The following PCSK2 variants were observed in gnomAD, a reference collection of about 807,000 sequenced individuals.
The protein encoded by PCSK2 is proprotein convertase subtilisin/kexin type 2.
In PCSK2, 14 loss-of-function variants were observed where a neutral mutation model predicts 69.7. The ratio of observed to expected loss-of-function variants is 0.20; its 90% CI spans 0.13 to 0.31. The LOEUF is 0.31. PCSK2 is among the 10% of genes least tolerant of loss of function. PCSK2 has a pLI of 1.00. For missense variants in PCSK2, 544 were observed against 842.5 expected, an observed-to-expected ratio of 0.65 and a Z score of 4.39; for synonymous variants, 307 against 320.7, an observed-to-expected ratio of 0.96 and a Z score of 0.46.
chr20:17,244,897 G>C (rs933236109), intron 1 of PCSK2, among the ~76,000 whole-genome samples: 3 of 152,186 alleles, frequency 2.0e-5, no homozygotes, highest in Non-Finnish European at 4.4e-5. Context: ...CTGGGCACGG[G>C]CGGTGGCCTC....
chr20:17,432,041 T>G (rs1212213391), intron 7 of PCSK2, among the ~76,000 whole-genome samples: 1 of 152,132 alleles, frequency 6.6e-6, no homozygotes. Flanking sequence ...CCAGCACCCC[T>G]CCACGCTGTC....
intron 2 of PCSK2, among the ~76,000 whole-genome samples, chr20:17,312,221 C>T (rs1329107989): frequency 6.6e-6 from 1 of 152,084 alleles, no homozygotes; most frequent in African/African-American, 2.4e-5. Context: ...TCCTGCCAAG[C>T]CCAAATTCTG....
rs146228969 is a variant in PCSK2, at chr20:17,346,999, T to C, written c.283-11328T>C. 8.6e-3 allele frequency among the ~76,000 whole-genome samples: 1,303 copies of C among 152,274 alleles called. 7 individuals carry two copies. Among genetic ancestry groups the C allele is most frequent in the Non-Finnish European group, 0.014 (982 of 68,022 alleles). On this transcript the variant is annotated intron_variant, in intron 2 of 11. Transcript: ENST00000262545. Reference sequence around the variant, plus strand: ...TGTATCCAGAGCTTTAGATGATAGATAGCAATTTGTTAATACTTGTCACTA... The same window carrying C: ...TGTATCCAGAGCTTTAGATGATAGACAGCAATTTGTTAATACTTGTCACTA...
intron 1 of PCSK2, among the ~76,000 whole-genome samples, chr20:17,232,591 G>A (rs1409721402): frequency 6.6e-6 from 1 of 151,982 alleles, no homozygotes; most frequent in Non-Finnish European, 1.5e-5. Flanking sequence ...GAAATTTTTG[G>A]TCAGATATAT....
At chr20:17,449,098 ACT>A (rs1013850969) in intron 8 of PCSK2, among the ~76,000 whole-genome samples, 39 of 151,708 alleles carry the variant, frequency 2.6e-4, no homozygotes, top group African/African-American at 8.7e-4. Context: ...CTGGTCTCAA[ACT>A]CTTGGCCTCA....
At chr20:17,431,037 T>C (rs1319851134) in intron 7 of PCSK2, among the ~76,000 whole-genome samples, 1 of 152,186 alleles carries the variant, frequency 6.6e-6, no homozygotes, top group African/African-American at 2.4e-5. Context: ...CTAATTCTCC[T>C]GCTGTCTTAG....
In PCSK2 at chr20:17,330,254, G is replaced by A. The variant is rs1406869450; in HGVS notation, c.283-28073G>A. On this transcript the variant is annotated intron_variant, in intron 2 of 11. Coordinates refer to ENST00000262545, the MANE Select transcript of PCSK2 (RefSeq NM_002594.5). ...CTACCTATGGGACAATACAGCTCTA[G>A]ACCTTCCTTTCTATGTGAGAGAGAG... Among the ~76,000 whole-genome samples, 3 of 152,104 alleles carry A rather than the reference G, an allele frequency of 2.0e-5. No homozygotes were observed. The East Asian group carries it at 5.8e-4, about 29-fold the overall frequency.
At chr20:17,302,706 C>T (rs1275712488) in intron 2 of PCSK2, among the ~76,000 whole-genome samples, 1 of 152,098 alleles carries the variant, frequency 6.6e-6, no homozygotes, top group Admixed American at 6.5e-5. Flanking sequence ...GGATCCAGGC[C>T]GTGCTGTGAA....
At chr20:17,354,296 C>T (rs970049289) in intron 2 of PCSK2, among the ~76,000 whole-genome samples, 13 of 152,076 alleles carry the variant, frequency 8.5e-5, no homozygotes, top group South Asian at 2.1e-4. Context: ...AAACTAAATA[C>T]AGAAGTGAAC....
intron 7 of PCSK2, among the ~76,000 whole-genome samples, chr20:17,430,652 A>T (rs2032344934): frequency 6.6e-6 from 1 of 152,204 alleles, no homozygotes; most frequent in South Asian, 2.1e-4. Context: ...TACTTTGTGC[A>T]CATCCAAAAT....
intron 2 of PCSK2, among the ~76,000 whole-genome samples, chr20:17,281,185 T>A (rs546189870): frequency 3.9e-5 from 6 of 152,190 alleles, no homozygotes; most frequent in African/African-American, 1.4e-4. Flanking sequence ...TGACTACCCA[T>A]CTATTAGGCA....
chr20:17,443,221 C>G (rs1216933622), intron 8 of PCSK2, among the ~76,000 whole-genome samples: 1 of 152,176 alleles, frequency 6.6e-6, no homozygotes, highest in Non-Finnish European at 1.5e-5. Context: ...AGTGAAGACG[C>G]TTTATTACAA....
At chr20:17,362,785 C>A (rs999966537) in intron 4 of PCSK2, among the ~76,000 whole-genome samples, 2 of 152,208 alleles carry the variant, frequency 1.3e-5, no homozygotes, top group Admixed American at 1.3e-4. Flanking sequence ...GAATTTGTGG[C>A]CATTTTTAAT....
chr20:17,373,314 G>A (rs1039767430), intron 5 of PCSK2, among the ~76,000 whole-genome samples: 1 of 152,198 alleles, frequency 6.6e-6, no homozygotes, highest in African/African-American at 2.4e-5. Context: ...GAATATGTGA[G>A]CCAGAGTGAT....
rs192325025 is a variant in PCSK2, at chr20:17,239,947, G to A, written c.177+12465G>A. On this transcript the variant is annotated intron_variant, in intron 1 of 11. Coordinates refer to ENST00000262545, the MANE Select transcript of PCSK2 (RefSeq NM_002594.5). ...CAGCTCACTGCAACCTCCGCCTCCC[G>A]GGTTCAAGTGATTCTCCTGCCTCAG... Among the ~76,000 whole-genome samples the A allele has an allele frequency of 2.2e-3, 292 of 131,226 alleles. 4 individuals are homozygous for A. Among genetic ancestry groups the A allele is most frequent in the African/African-American group, 7.9e-3 (269 of 33,876 alleles). The allele number at this position is 131,226 out of a possible 152,430, so 86.1% of individuals were successfully genotyped here. A position where few individuals can be genotyped will look rare whatever the true frequency, so the allele number is the denominator to read the frequency against.
intron 8 of PCSK2, among the ~76,000 whole-genome samples, chr20:17,440,471 G>A (rs2023421): frequency 0.072 from 10,981 of 152,218 alleles, 494 homozygotes; most frequent in East Asian, 0.17. Flanking sequence ...TGGGTTGGAC[G>A]GGTGGGCTGT....
At chr20:17,436,106 C>G (rs1301362294) in intron 7 of PCSK2, among the ~76,000 whole-genome samples, 1 of 152,156 alleles carries the variant, frequency 6.6e-6, no homozygotes, top group Non-Finnish European at 1.5e-5. Flanking sequence ...GAGAGGCAGC[C>G]GTCAGACACA....
intron 4 of PCSK2, among the ~76,000 whole-genome samples, chr20:17,364,883 G>A (rs982194150): frequency 1.3e-5 from 2 of 152,166 alleles, no homozygotes; most frequent in Admixed American, 6.5e-5. Flanking sequence ...ATCGCTGGTG[G>A]TTGTTGCTGG....
chr20:17,479,426 C>T (rs1228045822), intron 11 of PCSK2: 1 of 608,014 alleles, frequency 1.6e-6, no homozygotes, highest in Non-Finnish European at 3.1e-6. Context: ...GATGGTACTC[C>T]TCCATGGTAG....
Sources: gnomAD v4.1 joint callset for allele counts (sites outside exome capture counted in the v4.1 genomes callset) on GRCh38, gnomAD v4.1.1 for gene constraint, MANE v1.5 for transcripts, NCBI Gene and HGNC (gene_info 2026-07-23, HGNC 2026-07-21) for gene names.